Variants in UGT1A3 observed in about 807,000 individuals in gnomAD.
UGT1A3 encodes UDP glucuronosyltransferase family 1 member A3, also known as UDP-glucuronosyltransferase 1A3.
Under a neutral mutation model 41.0 loss-of-function variants are expected in UGT1A3, and 31 were observed. The observed-to-expected ratio is 0.76, with a 90% CI of 0.57 to 1.02. The LOEUF (loss-of-function observed/expected upper bound fraction) is 1.02, where lower values mean the gene tolerates loss of function less well. UGT1A3 is among the 50% of genes least tolerant of loss of function. The pLI, the probability that UGT1A3 is intolerant of heterozygous loss-of-function variation, is 0.00. For missense variants in UGT1A3, 737 were observed against 671.0 expected, an observed-to-expected ratio of 1.10 and a Z score of -1.09; for synonymous variants, 262 against 257.6, an observed-to-expected ratio of 1.02 and a Z score of -0.17.
chr2:233,753,153 C>A (rs1198607979), intron 1 of UGT1A3: 1 of 152,212 alleles, frequency 6.6e-6, no homozygotes, highest in Non-Finnish European at 1.5e-5. Context: ...CATGTAAGTT[C>A]CCTTATCCGG....
intron 1 of UGT1A3, chr2:233,743,626 G>C: frequency 7.3e-7 from 1 of 1,367,322 alleles, no homozygotes. Context: ...TGAAGACGTC[G>C]GCTGGGTCGC....
intron 1 of UGT1A3, among the ~76,000 whole-genome samples, chr2:233,737,380 C>T (rs1472756282): frequency 6.6e-6 from 1 of 152,238 alleles, no homozygotes; most frequent in Non-Finnish European, 1.5e-5. Context: ...GGGAGAGAAT[C>T]TCCTTGTCTG....
intron 1 of UGT1A3, among the ~76,000 whole-genome samples, chr2:233,766,551 C>T (rs564580695): frequency 6.6e-6 from 1 of 152,328 alleles, no homozygotes; most frequent in East Asian, 1.9e-4. Flanking sequence ...TGCCTGTCCT[C>T]ACCTAGGTCC....
At chr2:233,771,865 A>G (rs1241166548) in intron 4 of UGT1A3, among the ~76,000 whole-genome samples, 1 of 149,352 alleles carries the variant, frequency 6.7e-6, no homozygotes, top group Non-Finnish European at 1.5e-5. Context: ...GATCAATAAC[A>G]TTTATTAAGA....
chr2:233,772,713 T>G lies in UGT1A3; in HGVS notation c.*154T>G. ...GAGTGCTTTAAAAAATTCTCTTAAA[T>G]AAAAATAATAGACTCGCTAGTCAGT... On this transcript the variant is annotated 3_prime_UTR_variant, in exon 5 of 5. Transcript: ENST00000482026. The G allele has an allele frequency of 6.8e-7, 1 of 1,465,268 alleles. No individual in the cohort carries two copies. Among genetic ancestry groups the G allele is most frequent in the Non-Finnish European group, 9.0e-7 (1 of 1,113,920 alleles). 90.8% of individuals were successfully genotyped at this position (1,465,268 alleles called of 1,614,324 possible).
intron 1 of UGT1A3, chr2:233,743,714 T>C (rs1337587224): frequency 1.5e-6 from 2 of 1,367,360 alleles, no homozygotes; most frequent in Admixed American, 1.9e-5. Context: ...CGCCTCGCCA[T>C]AGCGGTCATA....
At position 233,754,981 on chromosome 2, in the gene UGT1A3, C is replaced by T. The variant is rs561889596; in HGVS notation, c.868-12053C>T. On this transcript the variant is annotated intron_variant, in intron 1 of 4. Transcript: ENST00000482026. The stretch of plus-strand genomic sequence containing the variant: ...CCAAAGAACTCCCTGAAGACCTCGG[C>T]GGGGTCACGGAAGCTGAAGACCTAC... 29 of 1,295,892 alleles carry T rather than the reference C, an allele frequency of 2.2e-5. No homozygotes were observed. In the African/African-American group the frequency reaches 3.3e-4, roughly 15 times the overall value. The allele number at this position is 1,295,892 out of a possible 1,614,324, so 80.3% of individuals were successfully genotyped here.
chr2:233,768,017 T>G, intron 3 of UGT1A3, 81 bp downstream of exon 3: 1 of 1,613,870 alleles, frequency 6.2e-7, no homozygotes, highest in Admixed American at 1.7e-5. Flanking sequence ...TCTAAAGGAT[T>G]GTTGAGCTTG....
At position 233,773,123 on chromosome 2, in the gene UGT1A3, A is replaced by G. The variant is rs1700567243; in HGVS notation, c.*564A>G. On this transcript the variant is annotated 3_prime_UTR_variant, in exon 5 of 5. Transcript: ENST00000482026. ...GCATATGATTTCTTGCTTTGGGGAA[A>G]AAGAATGATGCTATGAAATTGGTGG... 6.4e-6 allele frequency: 1 copy of G among 155,124 alleles called. No homozygotes were observed. The highest frequency in any genetic ancestry group is 1.4e-5 in the Non-Finnish European group (1 of 69,730). The allele number at this position is 155,124 out of a possible 1,614,324, so 9.6% of individuals were successfully genotyped here. A position where few individuals can be genotyped will look rare whatever the true frequency, so the allele number is the denominator to read the frequency against.
intron 1 of UGT1A3, chr2:233,740,890 A>G (rs1162422597): frequency 6.6e-6 from 1 of 150,830 alleles, no homozygotes; most frequent in Non-Finnish European, 1.5e-5. Context: ...TGCAGGGACA[A>G]CATAGTAGGT....
chr2:233,747,668 C>T (rs1693744696), intron 1 of UGT1A3: 1 of 1,603,064 alleles, frequency 6.2e-7, no homozygotes, highest in East Asian at 2.2e-5. Context: ...TTTTAATAGA[C>T]CCAATTTACC....
At chr2:233,733,635 C>T (rs2078423363) in intron 1 of UGT1A3, among the ~76,000 whole-genome samples, 1 of 152,186 alleles carries the variant, frequency 6.6e-6, no homozygotes, top group African/African-American at 2.4e-5. Flanking sequence ...TTGAACCAGC[C>T]TTGCATCCCA....
rs745755811 is a variant in UGT1A3 at position 233,729,091 on chromosome 2, G to T, written c.-36G>T. 4 of 1,612,602 alleles carry T rather than the reference G, an allele frequency of 2.5e-6. No individual in the cohort carries two copies. The highest frequency in any genetic ancestry group is 2.7e-5 in the African/African-American group (2 of 75,016). The stretch of plus-strand genomic sequence containing the variant: ...AAAGCAAATGTAGCAGGCACAGCGT[G>T]GGGTGGACAGTCAGCTGTCCGTGTC... On this transcript the variant is annotated 5_prime_UTR_variant, in exon 1 of 5. Coordinates refer to ENST00000482026, the MANE Select transcript of UGT1A3 (RefSeq NM_019093.4).
At chr2:233,763,024 G>T (rs187872342) in intron 1 of UGT1A3, among the ~76,000 whole-genome samples, 17 of 152,244 alleles carry the variant, frequency 1.1e-4, no homozygotes, top group Middle Eastern at 3.4e-3. Flanking sequence ...CATTATGTTA[G>T]CCATTGTTTT....
At chr2:233,757,845 T>C (rs1338801014) in intron 1 of UGT1A3, among the ~76,000 whole-genome samples, 1 of 151,974 alleles carries the variant, frequency 6.6e-6, no homozygotes, top group Non-Finnish European at 1.5e-5. Context: ...TACTAACTTA[T>C]GTCTTCAGCT....
At chr2:233,757,062 G>T (rs1469367274) in intron 1 of UGT1A3, among the ~76,000 whole-genome samples, 1 of 151,518 alleles carries the variant, frequency 6.6e-6, no homozygotes, top group African/African-American at 2.4e-5. Flanking sequence ...GAACAGCAAG[G>T]GATCCAGAAT....
intron 1 of UGT1A3, chr2:233,743,940 C>T: frequency 7.4e-7 from 1 of 1,353,480 alleles, no homozygotes; most frequent in Non-Finnish European, 9.9e-7. Context: ...AACGGCCCAC[C>T]AGGCACTGGC....
At chr2:233,754,323 G>A (rs1357745204) in intron 1 of UGT1A3, 2 of 247,114 alleles carry the variant, frequency 8.1e-6, no homozygotes, top group Non-Finnish European at 1.6e-5. Flanking sequence ...GTCTGCCTCA[G>A]GCTTAAGTTT....
At chr2:233,747,820 A>T in intron 1 of UGT1A3, 1 of 1,613,402 alleles carries the variant, frequency 6.2e-7, no homozygotes, top group East Asian at 2.2e-5. Context: ...ACCAATTCAG[A>T]CCACATGACA....
Sources: allele counts gnomAD v4.1 joint callset (sites outside exome capture counted in the v4.1 genomes callset), GRCh38; gene constraint gnomAD v4.1.1; transcripts MANE v1.5; gene names NCBI Gene and HGNC (gene_info 2026-07-23, HGNC 2026-07-21).